The following IQCM variants were observed in gnomAD, a reference collection of about 807,000 sequenced individuals.
The protein encoded by IQCM is IQ domain-containing protein M.
A neutral mutation model predicts 57.6 loss-of-function variants in IQCM; 45 were observed. The observed-to-expected ratio is 0.78, with a 90% CI of 0.62 to 1.00. The LOEUF (loss-of-function observed/expected upper bound fraction) is 1.00, where lower values mean the gene tolerates loss of function less well. Among genes scored for constraint, IQCM ranks in the 50% least tolerant of loss-of-function variants. The pLI is 0.00. For synonymous variants in IQCM, 148 were observed against 158.9 expected (o/e 0.93, Z 0.51); for missense variants, 468 against 511.6 (o/e 0.91, Z 0.82).
intron 12 of IQCM, among the ~76,000 whole-genome samples, chr4:149,438,914 ATTACT>A (rs1411723841): frequency 1.3e-5 from 2 of 152,054 alleles, no homozygotes; most frequent in East Asian, 3.9e-4. Flanking sequence ...AAATACCAAC[ATTACT>A]TAACTTAAAC....
Position 149,798,659 on chromosome 4 carries a change from C to T in IQCM, c.-49+16652G>A, listed in dbSNP as rs144037269. Among the ~76,000 whole-genome samples the T allele has an allele frequency of 4.8e-3, 725 of 152,032 alleles. 8 individuals are homozygous for T. The highest frequency in any genetic ancestry group is 0.016 in the African/African-American group (654 of 41,522). ...AAATAAAGGGATGGAAAAAGATAGTCCATTCCAATAGATATCAAAAAAGAG... is the reference window on the plus strand; with the variant it reads ...AAATAAAGGGATGGAAAAAGATAGTTCATTCCAATAGATATCAAAAAAGAG... On this transcript the variant is annotated intron_variant, in intron 2 of 13. Transcript: ENST00000636793.
intron 5 of IQCM, among the ~76,000 whole-genome samples, chr4:149,714,008 T>G (rs560520368): frequency 6.6e-6 from 1 of 152,320 alleles, no homozygotes; most frequent in African/African-American, 2.4e-5. Flanking sequence ...CTATTTGCAA[T>G]AGTTATCCAT....
Position 149,652,714 on chromosome 4 carries a change from C to G in IQCM, c.565+29404G>C, listed in dbSNP as rs181132000. Reference sequence around the variant, plus strand: ...ATTGATAGATGTGAACAACATGAAACAAAATAAAGGAAGAGCTTAAAAGGA... The same window carrying G: ...ATTGATAGATGTGAACAACATGAAAGAAAATAAAGGAAGAGCTTAAAAGGA... On this transcript the variant is annotated intron_variant, in intron 7 of 13. Coordinates refer to ENST00000636793, the MANE Select transcript of IQCM (RefSeq NM_001363507.2). Among the ~76,000 whole-genome samples the G allele has an allele frequency of 1.0e-3, 152 of 149,666 alleles. 1 individual carries two copies. Among genetic ancestry groups the G allele is most frequent in the African/African-American group, 3.5e-3 (141 of 40,722 alleles).
chr4:149,778,325 G>T (rs1487659466), intron 2 of IQCM, among the ~76,000 whole-genome samples: 1 of 152,030 alleles, frequency 6.6e-6, no homozygotes, highest in Non-Finnish European at 1.5e-5. Flanking sequence ...GCAGTGAGCG[G>T]AGATGGCGCC....
At chr4:149,783,820 C>A (rs771220407) in intron 2 of IQCM, among the ~76,000 whole-genome samples, 1 of 152,174 alleles carries the variant, frequency 6.6e-6, no homozygotes, top group Non-Finnish European at 1.5e-5. Flanking sequence ...CATCTAGATA[C>A]TGCAGGTGGC....
chr4:149,403,807 A>G (rs1337961419), intron 13 of IQCM, among the ~76,000 whole-genome samples: 2 of 151,988 alleles, frequency 1.3e-5, no homozygotes. Context: ...TAGAGGTAAA[A>G]TATTGATTAG....
At chr4:149,756,197 T>C (rs1025871117) in intron 2 of IQCM, among the ~76,000 whole-genome samples, 2 of 152,178 alleles carry the variant, frequency 1.3e-5, no homozygotes, top group Non-Finnish European at 2.9e-5. Context: ...TTCACTGATG[T>C]ATACCCCCCG....
chr4:149,715,693 G>A (rs1764933026), intron 5 of IQCM, among the ~76,000 whole-genome samples: 1 of 152,210 alleles, frequency 6.6e-6, no homozygotes. Flanking sequence ...GACAACTGGA[G>A]GGTGAGGTGA....
intron 7 of IQCM, among the ~76,000 whole-genome samples, chr4:149,648,423 A>C (rs1025900866): frequency 6.6e-6 from 1 of 152,086 alleles, no homozygotes; most frequent in African/African-American, 2.4e-5. Context: ...TATGTGCCAC[A>C]TTTTCTTAAT....
At chr4:149,737,344 G>A (rs1025287571) in intron 3 of IQCM, among the ~76,000 whole-genome samples, 6 of 152,120 alleles carry the variant, frequency 3.9e-5, no homozygotes, top group South Asian at 2.1e-4. Context: ...TACATCAAAA[G>A]AAGAAAAACT....
intron 8 of IQCM, among the ~76,000 whole-genome samples, chr4:149,617,853 T>A (rs1237105281): frequency 2.6e-5 from 4 of 152,056 alleles, no homozygotes; most frequent in African/African-American, 9.7e-5. Flanking sequence ...AAAGAAATCA[T>A]AGATGGCACA....
At chr4:149,703,589 G>T (rs1763928895) in intron 5 of IQCM, among the ~76,000 whole-genome samples, 1 of 151,868 alleles carries the variant, frequency 6.6e-6, no homozygotes, top group African/African-American at 2.4e-5. Flanking sequence ...TGAGCATGTT[G>T]CTCTTTGCAT....
chr4:149,375,009 T>TGTGTGTGA (rs55772693), intron 13 of IQCM, among the ~76,000 whole-genome samples: 2,950 of 151,138 alleles, frequency 0.02, 84 homozygotes, highest in South Asian at 0.1. Context: ...TGTGTGTGTG[T>TGTGTGTGA]GATGTTCTTT....
intron 9 of IQCM, among the ~76,000 whole-genome samples, chr4:149,564,792 G>A (rs1460605596): frequency 1.4e-5 from 2 of 143,744 alleles, no homozygotes; most frequent in East Asian, 4.2e-4. Context: ...ATGGTCATGT[G>A]AGTTAATACT....
chr4:149,352,609 C>T (rs1482122444), intron 13 of IQCM, among the ~76,000 whole-genome samples: 2 of 152,026 alleles, frequency 1.3e-5, no homozygotes, highest in East Asian at 1.9e-4. Context: ...TTCTCATATT[C>T]GAGGGAGATT....
intron 7 of IQCM, among the ~76,000 whole-genome samples, chr4:149,624,281 C>A (rs1010184777): frequency 6.6e-6 from 1 of 152,078 alleles, no homozygotes; most frequent in African/African-American, 2.4e-5. Context: ...GAAATAAATA[C>A]ATAAAGAAAC....
intron 5 of IQCM, among the ~76,000 whole-genome samples, chr4:149,708,462 T>C (rs1017307180): frequency 5.3e-5 from 8 of 151,380 alleles, no homozygotes; most frequent in African/African-American, 1.7e-4. Flanking sequence ...AAGACAAGTA[T>C]ACCAATAAAA....
intron 12 of IQCM, among the ~76,000 whole-genome samples, chr4:149,496,780 G>A (rs1315098034): frequency 6.6e-6 from 1 of 152,084 alleles, no homozygotes; most frequent in Non-Finnish European, 1.5e-5. Context: ...AAATTTGTAA[G>A]CTCACTAATT....
chr4:149,670,261 C>T (rs919365255), intron 7 of IQCM, among the ~76,000 whole-genome samples: 68 of 152,136 alleles, frequency 4.5e-4, no homozygotes, highest in African/African-American at 1.3e-3. Flanking sequence ...AATTCACTCA[C>T]GATTTGGCTC....
Sources: gnomAD v4.1 joint callset for allele counts (sites outside exome capture counted in the v4.1 genomes callset) on GRCh38, gnomAD v4.1.1 for gene constraint, MANE v1.5 for transcripts, NCBI Gene and HGNC (gene_info 2026-07-23, HGNC 2026-07-21) for gene names.